Variants in MAGI1 observed in about 807,000 individuals in gnomAD.
MAGI1 encodes membrane-associated guanylate kinase, WW and PDZ domain-containing protein 1.
A neutral mutation model predicts 139.9 loss-of-function variants in MAGI1; 58 were observed. The ratio of observed to expected loss-of-function variants is 0.41; its 90% CI spans 0.34 to 0.52. MAGI1 has a LOEUF of 0.52. Among genes scored for constraint, MAGI1 ranks in the 20% least tolerant of loss-of-function variants. MAGI1 has a pLI of 0.12. For missense variants in MAGI1, 1,874 were observed against 1,901.6 expected (o/e 0.99, Z 0.27); for synonymous variants, 812 against 737.9 (o/e 1.10, Z -1.63).
chr3:65,886,502 A>G (rs1399180054), intron 1 of MAGI1, among the ~76,000 whole-genome samples: 1 of 151,992 alleles, frequency 6.6e-6, no homozygotes, highest in Non-Finnish European at 1.5e-5. Flanking sequence ...TGCCCTCATT[A>G]AAGGCTTTTG....
At position 66,031,265 on chromosome 3, in the gene MAGI1, A is replaced by C. The variant is rs1296516574; in HGVS notation, c.313+6731T>G. On this transcript the variant is annotated intron_variant, in intron 1 of 22. Coordinates refer to ENST00000402939, the MANE Select transcript of MAGI1 (RefSeq NM_001033057.2). ...GTTACTTGTATATACAAACTCAAGG[A>C]AAGGGCCACTAACACCAGAGAGTGG... Among the ~76,000 whole-genome samples the C allele has an allele frequency of 2.0e-5, 3 of 152,248 alleles. No individual in the cohort carries two copies. The East Asian group carries it at 5.8e-4, about 29-fold the overall frequency.
intron 21 of MAGI1, 74 bp from the exon 22 acceptor site, chr3:65,361,411 G>A: frequency 6.7e-7 from 1 of 1,481,518 alleles, no homozygotes; most frequent in African/African-American, 1.4e-5. Flanking sequence ...TTAAGCACGT[G>A]GCAGAACATC....
intron 1 of MAGI1, among the ~76,000 whole-genome samples, chr3:66,005,822 T>C (rs971388644): frequency 6.6e-6 from 1 of 151,570 alleles, no homozygotes; most frequent in Non-Finnish European, 1.5e-5. Context: ...ACCAGGAATC[T>C]AGAGATGGAA....
intron 3 of MAGI1, among the ~76,000 whole-genome samples, chr3:65,483,942 T>C (rs1951456517): frequency 6.6e-6 from 1 of 152,196 alleles, no homozygotes; most frequent in Non-Finnish European, 1.5e-5. Context: ...ACCCTGGAAT[T>C]TAAGCTAGGA....
intron 1 of MAGI1, among the ~76,000 whole-genome samples, chr3:65,755,356 C>A (rs894302318): frequency 3.3e-5 from 5 of 152,208 alleles, no homozygotes; most frequent in African/African-American, 1.2e-4. Flanking sequence ...GTCATTCAGA[C>A]ATGTTCAGGG....
At chr3:65,611,146 AG>A (rs1268833461) in intron 2 of MAGI1, among the ~76,000 whole-genome samples, 1 of 140,616 alleles carries the variant, frequency 7.1e-6, no homozygotes, top group Non-Finnish European at 1.5e-5. Flanking sequence ...AATAGTATAT[AG>A]TATATATACA....
intron 12 of MAGI1, among the ~76,000 whole-genome samples, chr3:65,422,580 C>T (rs1029806137): frequency 1.3e-5 from 2 of 152,094 alleles, no homozygotes; most frequent in African/African-American, 4.8e-5. Context: ...TTCTGAATAC[C>T]TATAATGGAC....
chr3:65,529,845 T>C (rs552407653), intron 2 of MAGI1, among the ~76,000 whole-genome samples: 1 of 152,294 alleles, frequency 6.6e-6, no homozygotes, highest in South Asian at 2.1e-4. Context: ...ATAAATATAA[T>C]ATACACACAG....
chr3:65,878,087 C>T (rs1212609644), intron 1 of MAGI1, among the ~76,000 whole-genome samples: 4 of 151,544 alleles, frequency 2.6e-5, no homozygotes, highest in African/African-American at 4.8e-5. Context: ...CTCCAGCCTA[C>T]GTGACAGAGT....
At chr3:66,022,402 A>G (rs962309861) in intron 1 of MAGI1, among the ~76,000 whole-genome samples, 1 of 152,238 alleles carries the variant, frequency 6.6e-6, no homozygotes, top group Non-Finnish European at 1.5e-5. Flanking sequence ...AAATAATGAC[A>G]CATGTATAAT....
In MAGI1 at chr3:65,502,747, T is replaced by C. The variant is rs72891199; in HGVS notation, c.431-9116A>G. Among the ~76,000 whole-genome samples the C allele has an allele frequency of 4.0e-3, 609 of 152,232 alleles. 2 individuals carry two copies. The highest frequency in any genetic ancestry group is 0.014 in the African/African-American group (565 of 41,554). ...AACTCCTAAAGGCTCCTCCTCCAAA[T>C]ACCATTACATTAGGAATTAGGGACC... is the stretch of plus-strand genomic sequence containing the variant. On this transcript the variant is annotated intron_variant, in intron 2 of 22. Coordinates refer to ENST00000402939, the MANE Select transcript of MAGI1 (RefSeq NM_001033057.2).
chr3:65,747,729 AGAG>A (rs747324890), intron 1 of MAGI1, among the ~76,000 whole-genome samples: 1 of 152,172 alleles, frequency 6.6e-6, no homozygotes, highest in African/African-American at 2.4e-5. Flanking sequence ...AAACTGCGGG[AGAG>A]GAGGAGAAGG....
intron 1 of MAGI1, among the ~76,000 whole-genome samples, chr3:65,816,596 G>C (rs1195314807): frequency 6.6e-6 from 1 of 151,268 alleles, no homozygotes; most frequent in Admixed American, 6.6e-5. Context: ...GTCCAAAATG[G>C]AGCTTTGTTA....
chr3:65,478,600 C>G lies in MAGI1; in HGVS notation c.749G>C (p.Ser250Thr). 6.2e-7 allele frequency: 1 copy of G among 1,613,896 alleles called. No homozygotes were observed. Among genetic ancestry groups the G allele is most frequent in the Non-Finnish European group, 8.5e-7 (1 of 1,179,840 alleles). The change falls in exon 4 of 23, where the codon AGC becomes ACC. Residue 250 changes from serine (S) to threonine (T), a missense_variant. Transcript: ENST00000402939. ...CATGATCTGACCTTTACCTGTAAAG[C>G]TGCTGTTCATTTCAGGAACGTCATC... ...EEDDVPEMNS[S>T]FTADSGEQEE...
At chr3:65,453,982 G>T (rs1435368872) in intron 5 of MAGI1, among the ~76,000 whole-genome samples, 1 of 152,192 alleles carries the variant, frequency 6.6e-6, no homozygotes, top group Admixed American at 6.5e-5. Flanking sequence ...AAGGGATAAA[G>T]TTCAATTCTA....
chr3:66,010,734 C>T (rs1394302508), intron 1 of MAGI1, among the ~76,000 whole-genome samples: 1 of 152,164 alleles, frequency 6.6e-6, no homozygotes, highest in African/African-American at 2.4e-5. Context: ...GGAGAAGTCC[C>T]ATAACCCCTA....
chr3:65,986,227 G>GT (rs1050958171), intron 1 of MAGI1, among the ~76,000 whole-genome samples: 2 of 151,798 alleles, frequency 1.3e-5, no homozygotes, highest in African/African-American at 4.8e-5. Context: ...AAATGACATT[G>GT]TTTTTTTCTG....
intron 12 of MAGI1, among the ~76,000 whole-genome samples, chr3:65,425,104 C>A: frequency 1.7e-5 from 1 of 57,396 alleles, no homozygotes. Flanking sequence ...ACCAGTAGAA[C>A]TTCTAAAAAA....
chr3:65,463,756 T>C (rs531409759), intron 5 of MAGI1, among the ~76,000 whole-genome samples: 2 of 152,302 alleles, frequency 1.3e-5, no homozygotes, highest in African/African-American at 4.8e-5. Context: ...CATCTGGTTC[T>C]GGGCTTTTTT....
Sources: allele counts gnomAD v4.1 joint callset (sites outside exome capture counted in the v4.1 genomes callset), GRCh38; gene constraint gnomAD v4.1.1; transcripts MANE v1.5; gene names NCBI Gene and HGNC (gene_info 2026-07-23, HGNC 2026-07-21).